The following LAMC1 variants were observed in gnomAD, a reference collection of about 807,000 sequenced individuals.
LAMC1 encodes laminin subunit gamma-1.
In LAMC1, 38 loss-of-function variants were observed where a neutral mutation model predicts 173.6. The ratio of observed to expected loss-of-function variants is 0.22; its 90% CI spans 0.17 to 0.29. The LOEUF is 0.29. LAMC1 is among the 10% of genes least tolerant of loss of function. The pLI, the probability that LAMC1 is intolerant of heterozygous loss-of-function variation, is 1.00. For synonymous variants in LAMC1, 746 were observed against 749.1 expected (o/e 1.00, Z 0.07); for missense variants, 1,824 against 2,051.8 (o/e 0.89, Z 2.14).
intron 1 of LAMC1, among the ~76,000 whole-genome samples, chr1:183,024,626 A>G (rs986004842): frequency 1.3e-5 from 2 of 152,198 alleles, no homozygotes; most frequent in Non-Finnish European, 2.9e-5. Flanking sequence ...AGGGGAGCAA[A>G]TGCCTTCGCT....
intron 1 of LAMC1, among the ~76,000 whole-genome samples, chr1:183,036,396 CTTTTTT>C (rs768370901): frequency 3.1e-5 from 3 of 96,594 alleles, no homozygotes; most frequent in Non-Finnish European, 4.1e-5. Context: ...CCACGCCAGT[CTTTTTT>C]TTTTTTTTTT....
In LAMC1 at chr1:183,143,696, G is replaced by A. The variant is rs914122682; in HGVS notation, c.*906G>A. ...TAGTTAGTCTTGGAACTAGTGTTAA[G>A]TATCTGGCAGAGAACAGTTAATCCC... On this transcript the variant is annotated 3_prime_UTR_variant, in exon 28 of 28. Transcript: ENST00000258341. 6.6e-6 allele frequency: 1 copy of A among 152,204 alleles called. No homozygotes were observed. Among genetic ancestry groups the A allele is most frequent in the Non-Finnish European group, 1.5e-5 (1 of 68,028 alleles). The allele number at this position is 152,204 out of a possible 1,614,324, so 9.4% of individuals were successfully genotyped here.
intron 25 of LAMC1, 147 bp from the exon 26 acceptor site, chr1:183,137,522 A>G: frequency 2.3e-6 from 1 of 438,970 alleles, no homozygotes; most frequent in Non-Finnish European, 3.9e-6. Context: ...CAAATTGATA[A>G]TGTAAGTCAT....
At chr1:183,115,725 G>A (rs1010966920) in intron 6 of LAMC1, 88 bp downstream of exon 6, 72 of 907,530 alleles carry the variant, frequency 7.9e-5, no homozygotes, top group Non-Finnish European at 1.2e-4. Context: ...TTGGCAGCAG[G>A]GTAAACATTT....
At chr1:183,031,755 T>C (rs1054480665) in intron 1 of LAMC1, among the ~76,000 whole-genome samples, 1 of 152,200 alleles carries the variant, frequency 6.6e-6, no homozygotes, top group Non-Finnish European at 1.5e-5. Flanking sequence ...TTTAAAAATA[T>C]GGGATTAATG....
chr1:183,065,810 G>A (rs1455594978), intron 1 of LAMC1, among the ~76,000 whole-genome samples: 1 of 152,168 alleles, frequency 6.6e-6, no homozygotes, highest in Non-Finnish European at 1.5e-5. Flanking sequence ...AGAGGCAAAT[G>A]GTATTGAAAG....
chr1:183,109,699 G>A (rs557650473), intron 3 of LAMC1, among the ~76,000 whole-genome samples: 1 of 152,324 alleles, frequency 6.6e-6, no homozygotes, highest in South Asian at 2.1e-4. Context: ...TAGTGTATCA[G>A]TGAATGGTAG....
chr1:183,099,534 C>G (rs902497908), intron 1 of LAMC1, among the ~76,000 whole-genome samples: 3 of 152,126 alleles, frequency 2.0e-5, no homozygotes, highest in African/African-American at 7.2e-5. Context: ...TGATTCCTCC[C>G]TCCTCAAAAC....
At chr1:183,035,242 G>T (rs1653949968) in intron 1 of LAMC1, among the ~76,000 whole-genome samples, 1 of 152,180 alleles carries the variant, frequency 6.6e-6, no homozygotes, top group African/African-American at 2.4e-5. Flanking sequence ...AGGTTGGGGT[G>T]CAGTGGCACG....
At chr1:183,079,986 G>A (rs1051569350) in intron 1 of LAMC1, among the ~76,000 whole-genome samples, 4 of 152,162 alleles carry the variant, frequency 2.6e-5, no homozygotes, top group Admixed American at 6.5e-5. Context: ...GCTCATGCCT[G>A]TAATCCCAGC....
In LAMC1 at chr1:183,121,785, A is replaced by C. The variant is rs148690613; in HGVS notation, c.2053A>C (p.Thr685Pro). 3 of 1,614,182 alleles carry C rather than the reference A, an allele frequency of 1.9e-6. No individual in the cohort carries two copies. Among genetic ancestry groups the C allele is most frequent in the Non-Finnish European group, 2.5e-6 (3 of 1,180,018 alleles). ...TCGTCCTGGGCCTGGAGTCCCTGCA[A>C]CTTGGGTGGAGTCCTGCACCTGTCC... ...SARPGPGVPA[T>P]WVESCTCPVG... The change falls in exon 12 of 28, where the codon ACT becomes CCT. Residue 685 changes from threonine (T) to proline (P), a missense_variant. Thr to Pro is a conservative substitution (Grantham distance 38). Transcript: ENST00000258341.
intron 1 of LAMC1, among the ~76,000 whole-genome samples, chr1:183,084,787 A>G (rs1450549824): frequency 6.6e-6 from 1 of 152,204 alleles, no homozygotes; most frequent in East Asian, 1.9e-4. Flanking sequence ...AAGAGAGACA[A>G]TGCTAGGCAT....
intron 1 of LAMC1, among the ~76,000 whole-genome samples, chr1:183,033,103 T>C (rs951997743): frequency 1.3e-5 from 2 of 152,236 alleles, no homozygotes; most frequent in Admixed American, 1.3e-4. Flanking sequence ...TCATATGATT[T>C]TTGGCTTAGG....
intron 1 of LAMC1, among the ~76,000 whole-genome samples, chr1:183,052,775 A>G (rs10752890): frequency 0.51 from 77,008 of 151,948 alleles, 20,083 homozygotes; most frequent in South Asian, 0.64. Flanking sequence ...ATTATAAGCA[A>G]CTTGAGAATA....
intron 1 of LAMC1, among the ~76,000 whole-genome samples, chr1:183,026,626 A>C (rs933600808): frequency 6.6e-6 from 1 of 152,160 alleles, no homozygotes; most frequent in East Asian, 1.9e-4. Flanking sequence ...TCCCAGTTCA[A>C]ATTTCACATA....
rs569026745 is a variant in LAMC1 at position 183,124,813 on chromosome 1, G to A, written c.2584G>A (p.Asp862Asn). The A allele has an allele frequency of 6.2e-7, 1 of 1,614,166 alleles. No individual in the cohort carries two copies. Among genetic ancestry groups the A allele is most frequent in the East Asian group, 2.2e-5 (1 of 44,886 alleles). ...CIYNTAGFYC[D>N]RCKDGFFGNP... ...CTATAACACTGCTGGCTTCTATTGT[G>A]ACCGGTGCAAAGACGGATTTTTTGG... The change falls in exon 14 of 28, where the codon GAC (aspartate) becomes AAC (asparagine). Residue 862 changes from aspartate (D) to asparagine (N), a missense_variant. Asp to Asn is a conservative substitution (Grantham distance 23). Coordinates refer to ENST00000258341, the MANE Select transcript of LAMC1 (RefSeq NM_002293.4).
At chr1:183,049,797 A>G (rs1348547370) in intron 1 of LAMC1, among the ~76,000 whole-genome samples, 1 of 149,814 alleles carries the variant, frequency 6.7e-6, no homozygotes, top group East Asian at 2.0e-4. Context: ...CTTAAATACC[A>G]TACTCTCCCA....
chr1:183,137,003 GGA>G (rs139880819), intron 25 of LAMC1, among the ~76,000 whole-genome samples: 3 of 152,230 alleles, frequency 2.0e-5, no homozygotes, highest in South Asian at 2.1e-4. Flanking sequence ...GCCACTCCTA[GGA>G]GAGACTTCCC....
At chr1:183,058,376 C>T (rs1181502599) in intron 1 of LAMC1, among the ~76,000 whole-genome samples, 2 of 152,108 alleles carry the variant, frequency 1.3e-5, no homozygotes, top group Non-Finnish European at 2.9e-5. Context: ...GATAAAGACC[C>T]ATCTATGGTT....
Sources: gnomAD v4.1 joint callset for allele counts (sites outside exome capture counted in the v4.1 genomes callset) on GRCh38, gnomAD v4.1.1 for gene constraint, MANE v1.5 for transcripts, NCBI Gene and HGNC (gene_info 2026-07-23, HGNC 2026-07-21) for gene names.